The following CHST11 variants were observed in gnomAD, a reference collection of about 807,000 sequenced individuals.
CHST11 encodes the protein C4S-1.
A neutral mutation model predicts 30.4 loss-of-function variants in CHST11; 9 were observed. That is an observed-to-expected ratio of 0.30 (90% CI 0.18 to 0.52). The LOEUF (loss-of-function observed/expected upper bound fraction) is 0.52, where lower values mean the gene tolerates loss of function less well. Ranked by LOEUF, CHST11 falls within the 20% of genes least tolerant of loss-of-function variation. The probability of loss-of-function intolerance (pLI) is 0.97; values close to 1 mark genes in which losing one functional copy is unlikely to be tolerated. For synonymous variants in CHST11, 152 were observed against 187.8 expected (o/e 0.81, Z 1.56); for missense variants, 348 against 460.6 (o/e 0.76, Z 2.24).
intron 1 of CHST11, among the ~76,000 whole-genome samples, chr12:104,505,175 C>G (rs2135977412): frequency 6.6e-6 from 1 of 152,294 alleles, no homozygotes; most frequent in South Asian, 2.1e-4. Context: ...TTATAGACAC[C>G]AGCAGTTCTA....
At chr12:104,713,609 C>T (rs901851196) in intron 2 of CHST11, among the ~76,000 whole-genome samples, 1 of 152,164 alleles carries the variant, frequency 6.6e-6, no homozygotes, top group African/African-American at 2.4e-5. Context: ...TGGCTCTGCA[C>T]CTCCTCCCAA....
chr12:104,667,302 C>G (rs2039651236), intron 2 of CHST11, among the ~76,000 whole-genome samples: 1 of 152,084 alleles, frequency 6.6e-6, no homozygotes, highest in Non-Finnish European at 1.5e-5. Flanking sequence ...CACCACGCTT[C>G]TGGTAATGAG....
chr12:104,702,900 A>G lies in CHST11; in HGVS notation c.205-54049A>G, dbSNP rs896539772. ...CTAACTCGAGCCTGGCGCCCTTTGC[A>G]GACTTGGAGTCCAAGTCCTCCTCAT... On this transcript the variant is annotated intron_variant, in intron 2 of 2. Coordinates refer to ENST00000303694, the MANE Select transcript of CHST11 (RefSeq NM_018413.6). Among the ~76,000 whole-genome samples, 10 of 152,324 alleles carry G rather than the reference A, an allele frequency of 6.6e-5. No homozygotes were observed. The South Asian group carries it at 8.3e-4, about 13-fold the overall frequency.
At chr12:104,496,829 GA>G (rs2037802534) in intron 1 of CHST11, among the ~76,000 whole-genome samples, 1 of 152,026 alleles carries the variant, frequency 6.6e-6, no homozygotes, top group Admixed American at 6.5e-5. Flanking sequence ...GGTGTGTTTT[GA>G]GGATCGTGGA....
chr12:104,696,118 T>C (rs2039942337), intron 2 of CHST11, among the ~76,000 whole-genome samples: 1 of 152,076 alleles, frequency 6.6e-6, no homozygotes, highest in African/African-American at 2.4e-5. Context: ...ATCTGCATGC[T>C]CCCTTTGCTG....
chr12:104,655,065 T>C (rs1413386196), intron 2 of CHST11, among the ~76,000 whole-genome samples: 2 of 152,220 alleles, frequency 1.3e-5, no homozygotes, highest in Non-Finnish European at 2.9e-5. Flanking sequence ...GTCTCTCTTA[T>C]CTCTTCATGG....
At chr12:104,692,248 C>T (rs771150962) in intron 2 of CHST11, among the ~76,000 whole-genome samples, 4 of 152,192 alleles carry the variant, frequency 2.6e-5, no homozygotes, top group Non-Finnish European at 5.9e-5. Flanking sequence ...GCTGCTCCGA[C>T]GCATGCAGTG....
intron 2 of CHST11, among the ~76,000 whole-genome samples, chr12:104,688,436 G>A (rs1192830497): frequency 1.3e-5 from 2 of 152,120 alleles, no homozygotes; most frequent in Non-Finnish European, 2.9e-5. Flanking sequence ...AATGAGATGT[G>A]GCCCCAGATA....
At chr12:104,595,833 A>G (rs1013829669) in intron 1 of CHST11, among the ~76,000 whole-genome samples, 1 of 152,224 alleles carries the variant, frequency 6.6e-6, no homozygotes, top group African/African-American at 2.4e-5. Context: ...AGCCTAGTTA[A>G]TGGGTAAAAC....
At chr12:104,659,630 A>G (rs861346) in intron 2 of CHST11, among the ~76,000 whole-genome samples, 30,374 of 152,190 alleles carry the variant, frequency 0.2, 3,243 homozygotes, top group African/African-American at 0.26. Flanking sequence ...TGTTGAAATG[A>G]AAATGTTTTA....
intron 1 of CHST11, among the ~76,000 whole-genome samples, chr12:104,594,553 C>G (rs555287717): frequency 9.9e-5 from 15 of 152,190 alleles, no homozygotes; most frequent in East Asian, 1.9e-4. Context: ...TCTTCTCCCC[C>G]ATCCCCGCTT....
chr12:104,493,940 C>T (rs2037774828), intron 1 of CHST11, among the ~76,000 whole-genome samples: 1 of 152,212 alleles, frequency 6.6e-6, no homozygotes, highest in Admixed American at 6.5e-5. Flanking sequence ...CTTCCCACCC[C>T]AGCCTCCCAA....
chr12:104,654,383 G>A (rs894496600), intron 2 of CHST11, among the ~76,000 whole-genome samples: 1 of 152,146 alleles, frequency 6.6e-6, no homozygotes, highest in Non-Finnish European at 1.5e-5. Flanking sequence ...CTGCTTGATT[G>A]TCTCAACAGG....
At chr12:104,483,853 C>T (rs1593961383) in intron 1 of CHST11, among the ~76,000 whole-genome samples, 2 of 152,274 alleles carry the variant, frequency 1.3e-5, no homozygotes. Flanking sequence ...CTCTTCTTAC[C>T]TGCTGTTGAA....
chr12:104,593,973 A>T (rs1238207281), intron 1 of CHST11, among the ~76,000 whole-genome samples: 1 of 152,220 alleles, frequency 6.6e-6, no homozygotes, highest in Non-Finnish European at 1.5e-5. Flanking sequence ...TCAGGAGAGA[A>T]CATGCTAACT....
In CHST11 at chr12:104,508,758, T is replaced by C. The variant is rs112456786; in HGVS notation, c.118+51229T>C. Among the ~76,000 whole-genome samples, 1,167 of 152,326 alleles carry C rather than the reference T, an allele frequency of 7.7e-3. 15 individuals carry two copies. The highest frequency in any genetic ancestry group is 0.027 in the African/African-American group (1,111 of 41,556). On this transcript the variant is annotated intron_variant, in intron 1 of 2. Transcript: ENST00000303694. ...TGGCAGCAGCAGAGGTAATTATCTC[T>C]TGTGATTATTTATGTGGTGTGACAG...
In CHST11 at chr12:104,758,278, T is replaced by TCTACAC; in HGVS notation, c.*475_*476insCTACAC. On this transcript the variant is annotated 3_prime_UTR_variant, in exon 3 of 3. Coordinates refer to ENST00000303694, the MANE Select transcript of CHST11 (RefSeq NM_018413.6). The stretch of plus-strand genomic sequence containing the variant: ...TAACAGCCATTGTCATGTGTATGGA[T>TCTACAC]GCCACCATTCTTGAATTTCTGCTAG... 6.5e-6 allele frequency: 1 copy of TCTACAC among 153,940 alleles called. No homozygotes were observed. Among genetic ancestry groups the TCTACAC allele is most frequent in the South Asian group, 2.0e-4 (1 of 4,930 alleles). The allele number at this position is 153,940 out of a possible 1,614,324, so 9.5% of individuals were successfully genotyped here.
At chr12:104,734,418 G>A (rs550886894) in intron 2 of CHST11, among the ~76,000 whole-genome samples, 3 of 152,066 alleles carry the variant, frequency 2.0e-5, no homozygotes, top group East Asian at 1.9e-4. Flanking sequence ...ATCTCACCCC[G>A]GGCCCGTTGT....
At chr12:104,726,491 A>G (rs1390453995) in intron 2 of CHST11, among the ~76,000 whole-genome samples, 1 of 152,184 alleles carries the variant, frequency 6.6e-6, no homozygotes, top group African/African-American at 2.4e-5. Flanking sequence ...ACCGCAAACT[A>G]AAAATAGACT....
Sources: gnomAD v4.1 joint callset for allele counts (sites outside exome capture counted in the v4.1 genomes callset) on GRCh38, gnomAD v4.1.1 for gene constraint, MANE v1.5 for transcripts, NCBI Gene and HGNC (gene_info 2026-07-23, HGNC 2026-07-21) for gene names.